The following VAV2 variants were observed in gnomAD, a reference collection of about 807,000 sequenced individuals.
VAV2 encodes guanine nucleotide exchange factor VAV2.
Under a neutral mutation model 132.5 loss-of-function variants are expected in VAV2, and 67 were observed. The observed-to-expected ratio is 0.51, with a 90% confidence interval of 0.42 to 0.62. The LOEUF (loss-of-function observed/expected upper bound fraction) is 0.62, where lower values mean the gene tolerates loss of function less well. Among genes scored for constraint, VAV2 ranks in the 20% least tolerant of loss-of-function variants. The probability of loss-of-function intolerance (pLI) is 0.00; values close to 1 mark genes in which losing one functional copy is unlikely to be tolerated. For synonymous variants in VAV2, 492 were observed against 443.5 expected (o/e 1.11, Z -1.37); for missense variants, 938 against 1,153.6 (o/e 0.81, Z 2.71).
At chr9:133,923,564 C>A (rs1298777070) in intron 2 of VAV2, among the ~76,000 whole-genome samples, 1 of 152,104 alleles carries the variant, frequency 6.6e-6, no homozygotes, top group African/African-American at 2.4e-5. Context: ...ATTGGTTCAA[C>A]CATTGTGGAA....
chr9:133,985,599 A>G lies in VAV2; in HGVS notation c.204+6476T>C, dbSNP rs549362496. Among the ~76,000 whole-genome samples, 44 of 152,276 alleles carry G rather than the reference A, an allele frequency of 2.9e-4. 1 individual carries two copies. The South Asian group carries it at 8.9e-3, about 31-fold the overall frequency. ...GCCCGGCCCTGATCTTGCCTTCTAAATACCCCTCTCCACTACCAAGGAACC... is the reference window on the plus strand; with the variant it reads ...GCCCGGCCCTGATCTTGCCTTCTAAGTACCCCTCTCCACTACCAAGGAACC... On this transcript the variant is annotated intron_variant, in intron 1 of 29. Coordinates refer to ENST00000371850, the MANE Select transcript of VAV2 (RefSeq NM_001134398.2).
chr9:133,938,054 C>T (rs1484511061), intron 2 of VAV2, among the ~76,000 whole-genome samples: 2 of 152,238 alleles, frequency 1.3e-5, no homozygotes, highest in Admixed American at 6.5e-5. Flanking sequence ...ACCGACTTCT[C>T]AGCATGCGCC....
intron 1 of VAV2, among the ~76,000 whole-genome samples, chr9:133,970,514 G>A (rs1842294249): frequency 6.6e-6 from 1 of 152,134 alleles, no homozygotes; most frequent in African/African-American, 2.4e-5. Flanking sequence ...CGATCACGAG[G>A]CTGTCCACGG....
At chr9:133,819,733 C>T (rs12338059) in intron 4 of VAV2, among the ~76,000 whole-genome samples, 30,066 of 151,890 alleles carry the variant, frequency 0.2, 3,555 homozygotes, top group African/African-American at 0.33. Flanking sequence ...TCGTCCAAAG[C>T]GCTCTCCCAA....
chr9:133,845,600 G>A (rs538113852), intron 3 of VAV2, among the ~76,000 whole-genome samples: 27 of 152,324 alleles, frequency 1.8e-4, no homozygotes, highest in South Asian at 1.7e-3. Flanking sequence ...CTGGGTGGCC[G>A]AGGCCTTGGC....
intron 4 of VAV2, among the ~76,000 whole-genome samples, chr9:133,814,878 C>A (rs544573507): frequency 2.0e-4 from 30 of 152,354 alleles, no homozygotes; most frequent in Non-Finnish European, 3.7e-4. Context: ...TGCTGCAGGT[C>A]TCTCAGATGC....
Position 133,879,957 on chromosome 9 carries a change from C to T in VAV2, c.322-18525G>A, listed in dbSNP as rs1226270904. On this transcript the variant is annotated intron_variant, in intron 2 of 29. Transcript: ENST00000371850. This position sits in a 1 kb window ranked among gnomAD's most constrained non-coding sequence, Gnocchi z 4.4. The stretch of plus-strand genomic sequence containing the variant: ...CAAAATGGCCACTTTATGGATTTTT[C>T]TTTTCCTGTCTAAGGGTAGGATTCA... 6.6e-6 allele frequency among the ~76,000 whole-genome samples: 1 copy of T among 152,232 alleles called. No individual in the cohort carries two copies. Among genetic ancestry groups the T allele is most frequent in the East Asian group, 1.9e-4 (1 of 5,200 alleles).
intron 4 of VAV2, 31 bp from the exon 5 acceptor site, chr9:133,812,247 G>A: frequency 6.3e-7 from 1 of 1,599,652 alleles, no homozygotes; most frequent in South Asian, 1.1e-5. Flanking sequence ...TAGAGGGGAG[G>A]GGAGGCTCCC....
intron 3 of VAV2, among the ~76,000 whole-genome samples, chr9:133,856,305 C>T (rs3819503): frequency 9.9e-5 from 15 of 152,198 alleles, no homozygotes; most frequent in African/African-American, 3.4e-4. Flanking sequence ...TCAATTTTTA[C>T]AAGTCAGAAA....
intron 2 of VAV2, among the ~76,000 whole-genome samples, chr9:133,878,439 G>T (rs1052015989): frequency 8.5e-5 from 13 of 152,248 alleles, no homozygotes; most frequent in Admixed American, 5.2e-4. Context: ...GTGGCCCATG[G>T]TGAGTGAGGC....
At chr9:133,817,080 C>A (rs950372159) in intron 4 of VAV2, among the ~76,000 whole-genome samples, 1 of 152,182 alleles carries the variant, frequency 6.6e-6, no homozygotes, top group African/African-American at 2.4e-5. Flanking sequence ...TTGGGGAGAA[C>A]TGCCATCTTA....
intron 25 of VAV2, among the ~76,000 whole-genome samples, 181 bp downstream of exon 25, chr9:133,774,754 A>G (rs1261643268): frequency 6.6e-6 from 1 of 152,154 alleles, no homozygotes. Context: ...GGCCCTGCCC[A>G]GCACACCTGT....
intron 1 of VAV2, among the ~76,000 whole-genome samples, chr9:133,957,696 C>T (rs1228666084): frequency 2.0e-5 from 3 of 152,060 alleles, no homozygotes; most frequent in African/African-American, 7.2e-5. Flanking sequence ...TCAGCCGGGA[C>T]ACCCTGCCTG....
At chr9:133,830,354 C>T (rs1291079506) in intron 4 of VAV2, among the ~76,000 whole-genome samples, 2 of 152,172 alleles carry the variant, frequency 1.3e-5, no homozygotes, top group Non-Finnish European at 2.9e-5. Flanking sequence ...AACTGTAGTT[C>T]CCATAATCCC....
intron 9 of VAV2, among the ~76,000 whole-genome samples, chr9:133,803,576 GC>G: frequency 6.6e-6 from 1 of 152,286 alleles, no homozygotes; most frequent in African/African-American, 2.4e-5. Flanking sequence ...CCCCTTTTAG[GC>G]CCACAGGGCA....
intron 1 of VAV2, among the ~76,000 whole-genome samples, chr9:133,964,022 C>CATATGTACATATATATATATAT (rs1217468550): frequency 7.5e-5 from 7 of 93,858 alleles, no homozygotes; most frequent in Non-Finnish European, 1.0e-4. Flanking sequence ...ATTATTCATT[C>CATATGTACATATATATATATAT]ATATATATAT....
At chr9:133,829,805 C>T (rs1204814082) in intron 4 of VAV2, among the ~76,000 whole-genome samples, 1 of 152,090 alleles carries the variant, frequency 6.6e-6, no homozygotes, top group East Asian at 1.9e-4. Context: ...AAAATACATT[C>T]TTATGATTAA....
At position 133,772,060 on chromosome 9, in the gene VAV2, C is replaced by A. The variant is rs368060780; in HGVS notation, c.2136-14G>T. On this transcript the variant is annotated splice_polypyrimidine_tract_variant and intron_variant, in intron 25 of 29. Transcript: ENST00000371850. ...TCATCATTGAACCTGAGCAAACACA[C>A]GGCCCCGGCGGTCACCGCGTGAGGG... 6.2e-7 allele frequency: 1 copy of A among 1,611,720 alleles called. No homozygotes were observed. Among genetic ancestry groups the A allele is most frequent in the Non-Finnish European group, 8.5e-7 (1 of 1,178,058 alleles).
At chr9:133,858,777 C>T (rs895442313) in intron 3 of VAV2, among the ~76,000 whole-genome samples, 2 of 152,182 alleles carry the variant, frequency 1.3e-5, no homozygotes, top group East Asian at 1.9e-4. Context: ...AAGCAGGACA[C>T]AGACTTCAGA....
Sources: gnomAD v4.1 joint callset for allele counts (sites outside exome capture counted in the v4.1 genomes callset) on GRCh38, gnomAD v4.1.1 for gene constraint, Gnocchi (gnomAD v3.1) non-coding constraint, MANE v1.5 for transcripts, NCBI Gene and HGNC (gene_info 2026-07-23, HGNC 2026-07-21) for gene names.